RERE: variants seen among roughly 807,000 people sequenced by gnomAD.
The protein encoded by RERE is arginine-glutamic acid dipeptide repeats.
Under a neutral mutation model 146.1 loss-of-function variants are expected in RERE, and 40 were observed. The observed-to-expected ratio is 0.27, with a 90% confidence interval of 0.21 to 0.36. The LOEUF (loss-of-function observed/expected upper bound fraction) is 0.36. Among genes scored for constraint, RERE ranks in the 10% least tolerant of loss-of-function variants. The pLI is 1.00. For missense variants in RERE, 1,933 were observed against 2,138.7 expected (o/e 0.90, Z 1.90); for synonymous variants, 1,003 against 866.0 (o/e 1.16, Z -2.78).
chr1:8,618,941 A>T (rs1445382262), intron 3 of RERE, among the ~76,000 whole-genome samples: 1 of 152,216 alleles, frequency 6.6e-6, no homozygotes, highest in Non-Finnish European at 1.5e-5. Flanking sequence ...ACTGTCAGGG[A>T]AGGCATGAAT....
chr1:8,769,010 T>C (rs1268218457), intron 1 of RERE, among the ~76,000 whole-genome samples: 1 of 152,190 alleles, frequency 6.6e-6, no homozygotes, highest in Non-Finnish European at 1.5e-5. Context: ...AAATAAATTT[T>C]ATAGGAACAC....
At chr1:8,784,674 C>A (rs1641229473) in intron 1 of RERE, among the ~76,000 whole-genome samples, 1 of 152,110 alleles carries the variant, frequency 6.6e-6, no homozygotes, top group South Asian at 2.1e-4. Context: ...TGTTCTCAAG[C>A]TTTAAGTGGT....
At chr1:8,469,996 G>A (rs1249029938) in intron 10 of RERE, among the ~76,000 whole-genome samples, 1 of 152,150 alleles carries the variant, frequency 6.6e-6, no homozygotes, top group Admixed American at 6.5e-5. Flanking sequence ...TCAGATGGCA[G>A]TTTCTCCTGA....
At chr1:8,417,504 C>A (rs1339096098) in intron 12 of RERE, among the ~76,000 whole-genome samples, 1 of 152,192 alleles carries the variant, frequency 6.6e-6, no homozygotes, top group Non-Finnish European at 1.5e-5. Context: ...TTTCACTGGG[C>A]CCTTGGTGCC....
At chr1:8,366,111 T>C (rs1205149536) in intron 12 of RERE, 137 bp from the exon 13 acceptor site, 5 of 945,758 alleles carry the variant, frequency 5.3e-6, no homozygotes, top group African/African-American at 3.3e-5. Flanking sequence ...GCTCCTGGAG[T>C]TGGGAGAGGA....
chr1:8,663,326 C>T (rs756047397), intron 1 of RERE, among the ~76,000 whole-genome samples: 4 of 152,104 alleles, frequency 2.6e-5, no homozygotes, highest in Non-Finnish European at 5.9e-5. Flanking sequence ...ATACAGTGAG[C>T]GAAGTCCTCC....
intron 1 of RERE, among the ~76,000 whole-genome samples, chr1:8,770,569 T>C (rs1402149465): frequency 1.3e-5 from 2 of 152,176 alleles, no homozygotes; most frequent in East Asian, 3.8e-4. Flanking sequence ...GAAATAACTA[T>C]ACTTAACAAT....
chr1:8,716,072 G>A (rs1382367872), intron 1 of RERE, among the ~76,000 whole-genome samples: 2 of 151,676 alleles, frequency 1.3e-5, no homozygotes, highest in Admixed American at 1.3e-4. Context: ...TTCAGCCATG[G>A]AGGGCGAAGC....
intron 1 of RERE, among the ~76,000 whole-genome samples, chr1:8,779,996 G>T (rs774944750): frequency 1.3e-5 from 2 of 152,046 alleles, no homozygotes; most frequent in Non-Finnish European, 2.9e-5. Flanking sequence ...TTCAAGACCA[G>T]CACGGCCAAC....
At chr1:8,488,592 T>A (rs1461125769) in intron 10 of RERE, among the ~76,000 whole-genome samples, 2 of 152,118 alleles carry the variant, frequency 1.3e-5, no homozygotes, top group East Asian at 3.8e-4. Flanking sequence ...AAAATTTACA[T>A]GGAAATGGAA....
intron 6 of RERE, among the ~76,000 whole-genome samples, chr1:8,555,911 A>G (rs1646001616): frequency 6.6e-6 from 1 of 152,210 alleles, no homozygotes; most frequent in Admixed American, 6.5e-5. Context: ...ATGAAGCTGT[A>G]TAGTAGGAAA....
intron 1 of RERE, among the ~76,000 whole-genome samples, chr1:8,670,807 G>T (rs190395896): frequency 1.2e-4 from 19 of 152,248 alleles, no homozygotes; most frequent in African/African-American, 4.6e-4. Flanking sequence ...CTCAAATAAG[G>T]GAAAAGCCAT....
intron 12 of RERE, among the ~76,000 whole-genome samples, chr1:8,382,817 T>C (rs2124409912): frequency 6.6e-6 from 1 of 152,168 alleles, no homozygotes; most frequent in East Asian, 1.9e-4. Context: ...ACTCTCCTTA[T>C]CTAGAAACCT....
intron 1 of RERE, among the ~76,000 whole-genome samples, chr1:8,679,500 T>C (rs1638916859): frequency 6.6e-6 from 1 of 152,206 alleles, no homozygotes; most frequent in Non-Finnish European, 1.5e-5. Flanking sequence ...CTCTCCACAC[T>C]GATCTTCTCT....
intron 1 of RERE, among the ~76,000 whole-genome samples, chr1:8,811,414 C>A (rs548884430): frequency 6.6e-6 from 1 of 152,266 alleles, no homozygotes; most frequent in Admixed American, 6.5e-5. Context: ...CAAGACCAAC[C>A]TGGGCAACAT....
At position 8,536,319 on chromosome 1, in the gene RERE, A is replaced by C. The variant is rs538948758; in HGVS notation, c.830+4895T>G. On this transcript the variant is annotated intron_variant, in intron 7 of 22. Transcript: ENST00000400908. ...CACGAGGATTAAGTAGCAGCACGGG[A>C]CTAGAACCCAGGCCACCCAGATCCA... is the stretch of plus-strand genomic sequence containing the variant. Among the ~76,000 whole-genome samples the C allele has an allele frequency of 4.6e-5, 7 of 152,216 alleles. No homozygotes were observed. The South Asian group carries it at 1.0e-3, about 23-fold the overall frequency.
intron 8 of RERE, among the ~76,000 whole-genome samples, chr1:8,507,588 T>C (rs1036903979): frequency 2.6e-5 from 4 of 151,862 alleles, no homozygotes; most frequent in African/African-American, 9.7e-5. Flanking sequence ...TTTCTATTTT[T>C]AGTAGGGATG....
At chr1:8,735,729 G>A (rs1640182137) in intron 1 of RERE, among the ~76,000 whole-genome samples, 2 of 152,092 alleles carry the variant, frequency 1.3e-5, no homozygotes, top group Non-Finnish European at 2.9e-5. Flanking sequence ...GTTCCCATGA[G>A]ATCTGGTCGT....
chr1:8,391,108 A>T (rs1283136802), intron 12 of RERE, among the ~76,000 whole-genome samples: 2 of 152,142 alleles, frequency 1.3e-5, no homozygotes, highest in African/African-American at 4.8e-5. Context: ...AAAAATAACA[A>T]AATAAACAGG....
Sources: allele counts gnomAD v4.1 joint callset (sites outside exome capture counted in the v4.1 genomes callset), GRCh38; gene constraint gnomAD v4.1.1; transcripts MANE v1.5; gene names NCBI Gene and HGNC (gene_info 2026-07-23, HGNC 2026-07-21).